AFTPH: variants seen among roughly 807,000 people sequenced by gnomAD.
AFTPH encodes the protein aftiphilin.
In AFTPH, 7 loss-of-function variants were observed where a neutral mutation model predicts 72.5. That is an observed-to-expected ratio of 0.10 (90% CI 0.05 to 0.18). The LOEUF (loss-of-function observed/expected upper bound fraction) is 0.18. AFTPH is among the 10% of genes least tolerant of loss of function. AFTPH has a pLI of 1.00. For missense variants in AFTPH, 979 were observed against 1,060.5 expected, an observed-to-expected ratio of 0.92 and a Z score of 1.07; for synonymous variants, 337 against 370.1, an observed-to-expected ratio of 0.91 and a Z score of 1.03.
At chr2:64,569,942 C>T (rs2104069630) in intron 5 of AFTPH, among the ~76,000 whole-genome samples, 1 of 152,038 alleles carries the variant, frequency 6.6e-6, no homozygotes. Context: ...GTAAAATGCA[C>T]CTTTGGAGGA....
At chr2:64,536,741 T>G (rs1669912857) in intron 1 of AFTPH, among the ~76,000 whole-genome samples, 1 of 151,062 alleles carries the variant, frequency 6.6e-6, no homozygotes, top group African/African-American at 2.4e-5. Context: ...TTGCTTGAGC[T>G]CAGGAGGTTG....
intron 6 of AFTPH, among the ~76,000 whole-genome samples, chr2:64,576,592 C>G (rs554311354): frequency 6.6e-6 from 1 of 152,138 alleles, no homozygotes. Flanking sequence ...TTAGTAAGGT[C>G]AATACTTTAC....
chr2:64,551,857 T>C (rs139476958), exon 2 of AFTPH: 1 of 1,613,766 alleles, frequency 6.2e-7, no homozygotes, highest in Non-Finnish European at 8.5e-7. Flanking sequence ...ATTGATGGCA[T>C]GGAAAGACCA....
intron 1 of AFTPH, among the ~76,000 whole-genome samples, chr2:64,540,340 A>G (rs900944536): frequency 2.0e-5 from 3 of 152,238 alleles, no homozygotes; most frequent in Admixed American, 6.5e-5. Context: ...TATGTATTCA[A>G]TTTTATGTTG....
rs1392305074 is a variant in AFTPH at position 64,557,008 on chromosome 2, CA to C, written c.1935+3603del. On this transcript the variant is annotated intron_variant, in intron 2 of 8. Transcript: ENST00000238856. The stretch of plus-strand genomic sequence containing the variant: ...CTTTTTGGCTAAAGATTTAAAACAA[CA>C]AAATGCAACAACAACAACAAAACCT... 2.0e-5 allele frequency among the ~76,000 whole-genome samples: 3 copies of C among 152,152 alleles called. 1 individual carries two copies. The highest frequency in any genetic ancestry group is 2.0e-4 in the Admixed American group (3 of 15,284).
intron 2 of AFTPH, among the ~76,000 whole-genome samples, chr2:64,567,259 T>A (rs778762986): frequency 5.2e-4 from 79 of 152,314 alleles, no homozygotes; most frequent in Middle Eastern, 6.8e-3. Flanking sequence ...ACTGTACAAT[T>A]GGGTAATTTC....
chr2:64,585,863 T>C (rs1341994024), intron 8 of AFTPH, among the ~76,000 whole-genome samples: 1 of 144,360 alleles, frequency 6.9e-6, no homozygotes, highest in Non-Finnish European at 1.5e-5. Flanking sequence ...AGAAACACTC[T>C]CCCTTTCTCT....
At chr2:64,552,093 A>G (rs770941349) in exon 2 of AFTPH, 1 of 1,614,088 alleles carries the variant, frequency 6.2e-7, no homozygotes, top group Admixed American at 1.7e-5. Context: ...AGCTGATTCA[A>G]AGGGACGGAA....
chr2:64,553,088 T>A (rs779264494), exon 2 of AFTPH: 1 of 1,614,232 alleles, frequency 6.2e-7, no homozygotes, highest in Non-Finnish European at 8.5e-7. Context: ...AGATTGGACA[T>A]TTTGATTCTG....
At chr2:64,562,935 C>T (rs921485344) in intron 2 of AFTPH, among the ~76,000 whole-genome samples, 1 of 152,150 alleles carries the variant, frequency 6.6e-6, no homozygotes, top group Non-Finnish European at 1.5e-5. Flanking sequence ...AATAAAGTAT[C>T]TATTTTTTGG....
chr2:64,556,477 T>G lies in AFTPH; in HGVS notation c.1935+3068T>G, dbSNP rs528862874. Reference sequence around the variant, plus strand: ...GCTTAATTAAACAAACATGGCAATTTGATTTAATTTGTTTGATTAAACAAG... The same window carrying G: ...GCTTAATTAAACAAACATGGCAATTGGATTTAATTTGTTTGATTAAACAAG... On this transcript the variant is annotated intron_variant, in intron 2 of 8. Transcript: ENST00000238856. Among the ~76,000 whole-genome samples, 287 of 152,340 alleles carry G rather than the reference T, an allele frequency of 1.9e-3. 1 individual carries two copies. The highest frequency in any genetic ancestry group is 0.017 in the Middle Eastern group (5 of 294).
intron 2 of AFTPH, among the ~76,000 whole-genome samples, chr2:64,556,174 G>T (rs989349868): frequency 1.3e-5 from 2 of 152,090 alleles, no homozygotes; most frequent in African/African-American, 4.8e-5. Context: ...TTTTATTGGA[G>T]ATGAAGTGTC....
At chr2:64,569,031 G>T in intron 3 of AFTPH, 61 bp from the exon 4 acceptor site, 1 of 1,589,712 alleles carries the variant, frequency 6.3e-7, no homozygotes, top group Non-Finnish European at 8.6e-7. Flanking sequence ...ATTATAAGTA[G>T]AACTCATGGT....
At position 64,569,754 on chromosome 2, in the gene AFTPH, C is replaced by T. The variant is rs150701698; in HGVS notation, c.2271+75C>T. ...TGTAAAATCATCTTAAAATACACTT[C>T]TATGTCATGCTATATAAGAGACATT... On this transcript the variant is annotated intron_variant, in intron 5 of 8. Transcript: ENST00000238856. The T allele has an allele frequency of 4.6e-5, 61 of 1,313,138 alleles. 1 individual carries two copies. In the African/African-American group the frequency reaches 7.0e-4, roughly 15 times the overall value. The allele number at this position is 1,313,138 out of a possible 1,614,324, so 81.3% of individuals were successfully genotyped here.
intron 1 of AFTPH, among the ~76,000 whole-genome samples, chr2:64,546,931 C>G (rs1232774214): frequency 6.6e-6 from 1 of 151,702 alleles, no homozygotes; most frequent in Non-Finnish European, 1.5e-5. Context: ...CCCCTGTAGT[C>G]CCAGCTGCTT....
intron 7 of AFTPH, 131 bp downstream of exon 7, chr2:64,579,677 T>TGA: frequency 1.3e-6 from 1 of 785,320 alleles, no homozygotes; most frequent in Non-Finnish European, 2.0e-6. Context: ...AAATTCAGGC[T>TGA]TTCTTTCTGA....
intron 2 of AFTPH, among the ~76,000 whole-genome samples, chr2:64,554,914 A>C (rs1671266794): frequency 6.6e-6 from 1 of 152,216 alleles, no homozygotes. Flanking sequence ...GAATTTTTTA[A>C]AGTGTGACCA....
At chr2:64,552,321 A>G (rs1671099655) in exon 2 of AFTPH, 11 of 1,614,026 alleles carry the variant, frequency 6.8e-6, no homozygotes, top group Non-Finnish European at 9.3e-6. Context: ...GGCTTTGGGT[A>G]GAAGCTTGGA....
intron 5 of AFTPH, 54 bp downstream of exon 5, chr2:64,569,733 A>AAATCATCTT: frequency 1.3e-6 from 2 of 1,500,994 alleles, no homozygotes; most frequent in Non-Finnish European, 1.9e-6. Context: ...CTATTCTGTA[A>AAATCATCTT]AATCATCTTA....
Sources: gnomAD v4.1 joint callset for allele counts (sites outside exome capture counted in the v4.1 genomes callset) on GRCh38, gnomAD v4.1.1 for gene constraint, MANE v1.5 for transcripts, NCBI Gene and HGNC (gene_info 2026-07-23, HGNC 2026-07-21) for gene names.